BRSK2: variants seen among roughly 807,000 people sequenced by gnomAD.
BRSK2 encodes BR serine/threonine kinase 2.
BRSK2 carries 19 observed loss-of-function variants against 83.3 expected under a neutral mutation model. The observed-to-expected ratio is 0.23, with a 90% CI of 0.16 to 0.33. The LOEUF (loss-of-function observed/expected upper bound fraction) is 0.33, where lower values mean the gene tolerates loss of function less well. BRSK2 is among the 10% of genes least tolerant of loss of function. The pLI, the probability that BRSK2 is intolerant of heterozygous loss-of-function variation, is 1.00. For missense variants in BRSK2, 798 were observed against 1,042.3 expected (o/e 0.77, Z 3.23); for synonymous variants, 519 against 435.4 (o/e 1.19, Z -2.39).
intron 1 of BRSK2, among the ~76,000 whole-genome samples, chr11:1,404,596 G>A (rs1210337576): frequency 2.0e-5 from 3 of 152,228 alleles, no homozygotes; most frequent in Non-Finnish European, 4.4e-5. Flanking sequence ...GGCAGAGGGG[G>A]CGCCCCGGAG....
intron 1 of BRSK2, among the ~76,000 whole-genome samples, chr11:1,402,112 C>T (rs1846517493): frequency 6.6e-6 from 1 of 152,228 alleles, no homozygotes; most frequent in East Asian, 1.9e-4. Flanking sequence ...CCCCGCAGAG[C>T]TGAGGGTGCC....
chr11:1,413,794 C>A (rs1202615917), intron 1 of BRSK2, among the ~76,000 whole-genome samples: 1 of 152,238 alleles, frequency 6.6e-6, no homozygotes, highest in Non-Finnish European at 1.5e-5. Context: ...CTCCTGCCAT[C>A]TCTGGGGGCA....
chr11:1,447,786 G>A (rs1852357940), intron 12 of BRSK2: 2 of 1,595,634 alleles, frequency 1.3e-6, no homozygotes, highest in African/African-American at 1.3e-5. Flanking sequence ...TTCTCGCTCT[G>A]TTCTGCTGTA....
chr11:1,442,722 GC>G (rs1590587874), intron 5 of BRSK2, 116 bp downstream of exon 5: 4 of 834,804 alleles, frequency 4.8e-6, no homozygotes, highest in Non-Finnish European at 5.8e-6. Context: ...CCACAGGCAG[GC>G]CCCCCACAAT....
At chr11:1,397,389 G>C in intron 1 of BRSK2, among the ~76,000 whole-genome samples, 1 of 152,326 alleles carries the variant, frequency 6.6e-6, no homozygotes, top group East Asian at 1.9e-4. Flanking sequence ...GCCTCTGAGG[G>C]GCCAGTGTTC....
intron 1 of BRSK2, among the ~76,000 whole-genome samples, chr11:1,403,690 G>C (rs1411691357): frequency 1.3e-5 from 2 of 152,216 alleles, no homozygotes; most frequent in African/African-American, 4.8e-5. Flanking sequence ...TGACAGTCCT[G>C]TTGTGGCACC....
chr11:1,448,704 C>T (rs563588111), intron 12 of BRSK2, among the ~76,000 whole-genome samples: 1 of 152,354 alleles, frequency 6.6e-6, no homozygotes, highest in East Asian at 1.9e-4. Context: ...GGTCCAGTTC[C>T]AGCCCTGGGT....
intron 1 of BRSK2, among the ~76,000 whole-genome samples, chr11:1,425,014 T>C (rs1275594130): frequency 6.6e-6 from 1 of 152,214 alleles, no homozygotes; most frequent in Non-Finnish European, 1.5e-5. Flanking sequence ...GGCCCTGCTG[T>C]GACGCCACGT....
chr11:1,416,474 T>C (rs1848108622), intron 1 of BRSK2, among the ~76,000 whole-genome samples: 1 of 152,232 alleles, frequency 6.6e-6, no homozygotes, highest in Admixed American at 6.5e-5. Context: ...TGGCCTGGGC[T>C]CACCTCCCTC....
chr11:1,445,193 T>C lies in BRSK2; in HGVS notation c.813-101T>C, dbSNP rs1851851228. 7 of 1,495,868 alleles carry C rather than the reference T, an allele frequency of 4.7e-6. No homozygotes were observed. In the African/African-American group the frequency reaches 8.4e-5, roughly 18 times the overall value. 92.7% of individuals were successfully genotyped at this position (1,495,868 alleles called of 1,614,324 possible). A position where few individuals can be genotyped will look rare whatever the true frequency, so the allele number is the denominator to read the frequency against. On this transcript the variant is annotated intron_variant, in intron 9 of 19. Transcript: ENST00000528841. ...CTCCCCGGGCTGGGCACAGGGAGAG[T>C]GGCAGGATGAAGGGCCCCAGGTGAG...
intron 2 of BRSK2, 115 bp downstream of exon 2, chr11:1,436,249 G>GGGGGGGGGGGGGA: frequency 3.8e-6 from 1 of 265,874 alleles, no homozygotes; most frequent in Non-Finnish European, 6.5e-6. Flanking sequence ...TGGGGGGGCG[G>GGGGGGGGGGGGGA]GCCCTGCAGG....
chr11:1,416,038 C>G (rs1848066318), intron 1 of BRSK2, among the ~76,000 whole-genome samples: 1 of 152,272 alleles, frequency 6.6e-6, no homozygotes, highest in Non-Finnish European at 1.5e-5. Context: ...CATTAGTGCT[C>G]TTGGCAACCT....
intron 1 of BRSK2, among the ~76,000 whole-genome samples, chr11:1,395,589 C>T (rs973385296): frequency 1.3e-5 from 2 of 152,212 alleles, no homozygotes; most frequent in African/African-American, 4.8e-5. Context: ...GCCCTAGGCC[C>T]TTGTCCTGTC....
chr11:1,442,833 G>C (rs1010132380), intron 5 of BRSK2, among the ~76,000 whole-genome samples: 2 of 152,006 alleles, frequency 1.3e-5, no homozygotes, highest in African/African-American at 4.8e-5. Context: ...TGGCCTGCCT[G>C]GGAGAGAGGC....
At chr11:1,420,326 C>T (rs934514531) in intron 1 of BRSK2, among the ~76,000 whole-genome samples, 1 of 152,222 alleles carries the variant, frequency 6.6e-6, no homozygotes, top group Non-Finnish European at 1.5e-5. Context: ...AGGGCTGTCC[C>T]AACCTGTGCA....
intron 1 of BRSK2, among the ~76,000 whole-genome samples, chr11:1,392,394 C>T (rs1378533003): frequency 6.6e-6 from 1 of 152,216 alleles, no homozygotes; most frequent in Non-Finnish European, 1.5e-5. Context: ...GCTTGGGGGG[C>T]CATTGGTGTG....
intron 1 of BRSK2, among the ~76,000 whole-genome samples, chr11:1,426,651 C>G (rs976249600): frequency 2.3e-4 from 35 of 152,228 alleles, no homozygotes; most frequent in Admixed American, 2.2e-3. Context: ...TGCCCCGTGT[C>G]TTTTCTGTGT....
At chr11:1,459,637 T>G (rs1033349985) in intron 19 of BRSK2, among the ~76,000 whole-genome samples, 33 of 152,226 alleles carry the variant, frequency 2.2e-4, no homozygotes, top group African/African-American at 7.9e-4. Context: ...AGCTCAGGGC[T>G]CAGGTGGGGG....
At chr11:1,394,696 T>C (rs1222092656) in intron 1 of BRSK2, among the ~76,000 whole-genome samples, 8 of 96,768 alleles carry the variant, frequency 8.3e-5, no homozygotes, top group African/African-American at 3.4e-4. Context: ...TGGAGATGGG[T>C]CCTGGAGATG....
Sources: allele counts gnomAD v4.1 joint callset (sites outside exome capture counted in the v4.1 genomes callset), GRCh38; gene constraint gnomAD v4.1.1; transcripts MANE v1.5; gene names NCBI Gene and HGNC (gene_info 2026-07-23, HGNC 2026-07-21).